USP3: variants seen among roughly 807,000 people sequenced by gnomAD.
The protein encoded by USP3 is ubiquitin carboxyl-terminal hydrolase 3.
Under a neutral mutation model 72.3 loss-of-function variants are expected in USP3, and 20 were observed. The ratio of observed to expected loss-of-function variants is 0.28; its 90% CI spans 0.19 to 0.40. The LOEUF is 0.40. USP3 is among the 10% of genes least tolerant of loss of function. USP3 has a pLI of 1.00. For missense variants in USP3, 479 were observed against 633.9 expected (o/e 0.76, Z 2.62); for synonymous variants, 222 against 225.3 (o/e 0.99, Z 0.13).
At chr15:63,509,741 C>A (rs1025063406) in intron 1 of USP3, among the ~76,000 whole-genome samples, 2 of 152,136 alleles carry the variant, frequency 1.3e-5, no homozygotes, top group Admixed American at 1.3e-4. Flanking sequence ...TTAGAGCAAT[C>A]TCAGCTTATT....
chr15:63,528,164 G>A lies in USP3; in HGVS notation c.92-4483G>A, dbSNP rs2066012717. Reference sequence around the variant, plus strand: ...TAGTGAGTATCAGCCTCTGGACTGAGAAGTGAGACACTGCAGTCAGGGTTG... The same window carrying A: ...TAGTGAGTATCAGCCTCTGGACTGAAAAGTGAGACACTGCAGTCAGGGTTG... On this transcript the variant is annotated intron_variant, in intron 1 of 14. Coordinates refer to ENST00000380324, the MANE Select transcript of USP3 (RefSeq NM_006537.4). This position sits in a 1 kb window ranked among gnomAD's most constrained non-coding sequence, Gnocchi z 4.3. 6.6e-6 allele frequency: 1 copy of A among 152,266 alleles called. No homozygotes were observed. Among genetic ancestry groups the A allele is most frequent in the African/African-American group, 2.4e-5 (1 of 41,458 alleles). The allele number at this position is 152,266 out of a possible 1,614,324, so 9.4% of individuals were successfully genotyped here.
intron 8 of USP3, among the ~76,000 whole-genome samples, chr15:63,566,694 T>C (rs1197014572): frequency 6.6e-6 from 1 of 152,236 alleles, no homozygotes; most frequent in Non-Finnish European, 1.5e-5. Flanking sequence ...TACTATGCTA[T>C]TGATATTTGA....
intron 8 of USP3, 29 bp downstream of exon 8, chr15:63,563,037 CA>C (rs1444398309): frequency 4.8e-6 from 7 of 1,473,410 alleles, no homozygotes; most frequent in Non-Finnish European, 6.6e-6. Context: ...TATTTTTAAA[CA>C]TTAATATTAG....
In USP3 at chr15:63,528,703, G is replaced by T. The variant is rs1195273840; in HGVS notation, c.92-3944G>T. ...GTGTTTATCCTGCAGGTAAACTTTT[G>T]AATCTCATCTATCTATAAATTGAAA... On this transcript the variant is annotated intron_variant, in intron 1 of 14. Coordinates refer to ENST00000380324, the MANE Select transcript of USP3 (RefSeq NM_006537.4). The surrounding 1 kb of genome is among the most constrained non-coding windows in gnomAD (Gnocchi z 4.3). Among the ~76,000 whole-genome samples, 2 of 152,050 alleles carry T rather than the reference G, an allele frequency of 1.3e-5. No homozygotes were observed. Among genetic ancestry groups the T allele is most frequent in the Admixed American group, 1.3e-4 (2 of 15,268 alleles).
In USP3 at chr15:63,588,331, G is replaced by A. The variant is rs1439730847; in HGVS notation, c.1123G>A (p.Glu375Lys). 1 of 1,596,532 alleles carries A rather than the reference G, an allele frequency of 6.3e-7. No individual in the cohort carries two copies. Among genetic ancestry groups the A allele is most frequent in the Admixed American group, 1.8e-5 (1 of 54,056 alleles). Reference sequence around the variant, plus strand: ...TTGTCTTCGCAGTTTTACCGACTTAGAAGAACTTGATGAGACAGAGTTATA... The same window carrying A: ...TTGTCTTCGCAGTTTTACCGACTTAAAAGAACTTGATGAGACAGAGTTATA... Reference protein sequence around the residue: ...RDCLRSFTDLEELDETELYMC... With the variant: ...RDCLRSFTDLKELDETELYMC... Residue 375 changes from glutamate (E) to lysine (K), a missense_variant, in exon 12 of 15, where the codon GAA (glutamate) becomes AAA (lysine). Glu to Lys is a moderately conservative substitution (Grantham distance 56). Transcript: ENST00000380324. The surrounding 1 kb of genome is among the most constrained non-coding windows in gnomAD (Gnocchi z 4.6).
At chr15:63,545,970 CAAAAAAAAA>C (rs60122671) in intron 3 of USP3, among the ~76,000 whole-genome samples, 13 of 68,846 alleles carry the variant, frequency 1.9e-4, no homozygotes, top group African/African-American at 4.2e-4. Context: ...GACCTTGTCT[CAAAAAAAAA>C]AAAAAAAAAA....
At chr15:63,566,504 G>A (rs182276350) in intron 8 of USP3, among the ~76,000 whole-genome samples, 11 of 151,922 alleles carry the variant, frequency 7.2e-5, no homozygotes, top group Non-Finnish European at 1.3e-4. Context: ...TAATAGAGAC[G>A]GGATTTCACT....
chr15:63,556,967 G>A, intron 5 of USP3: 1 of 415,698 alleles, frequency 2.4e-6, no homozygotes, highest in South Asian at 3.6e-5. Context: ...CGTTACTGCT[G>A]TGCTCCTCTT....
intron 2 of USP3, among the ~76,000 whole-genome samples, chr15:63,532,932 T>C (rs901294100): frequency 3.9e-5 from 6 of 152,210 alleles, no homozygotes; most frequent in Admixed American, 2.6e-4. Context: ...AAGAATTAGT[T>C]TGATGACCAA....
At chr15:63,538,981 A>G (rs1025590064) in intron 3 of USP3, among the ~76,000 whole-genome samples, 1 of 152,112 alleles carries the variant, frequency 6.6e-6, no homozygotes, top group African/African-American at 2.4e-5. Context: ...AGAAATGAAA[A>G]TCTTCCCAAG....
rs2066033174 is a variant in USP3, at chr15:63,529,306, G to A, written c.92-3341G>A. 2 of 361,164 alleles carry A rather than the reference G, an allele frequency of 5.5e-6. No homozygotes were observed. Among genetic ancestry groups the A allele is most frequent in the East Asian group, 7.3e-5 (1 of 13,648 alleles). The allele number at this position is 361,164 out of a possible 1,614,324, so 22.4% of individuals were successfully genotyped here. A position where few individuals can be genotyped will look rare whatever the true frequency, so the allele number is the denominator to read the frequency against. ...TCTCCTTATCATTACGTATCTGTCT[G>A]TCTAATTGATGCACAATTCACATAA... On this transcript the variant is annotated intron_variant, in intron 1 of 14. Coordinates refer to ENST00000380324, the MANE Select transcript of USP3 (RefSeq NM_006537.4). The surrounding 1 kb of genome is among the most constrained non-coding windows in gnomAD (Gnocchi z 4.2).
At chr15:63,581,550 ATTTTTTTTTT>A (rs56376454) in intron 11 of USP3, among the ~76,000 whole-genome samples, 1 of 107,504 alleles carries the variant, frequency 9.3e-6, no homozygotes, top group Admixed American at 1.0e-4. Flanking sequence ...CACCCGGCTA[ATTTTTTTTTT>A]TTTTTTTTTT....
rs11311204 is a variant in USP3, at chr15:63,592,333, G to GTTTTTT, written c.*1514_*1519dup. On this transcript the variant is annotated 3_prime_UTR_variant, in exon 15 of 15. Transcript: ENST00000380324. ...AGTGTTCTAAGACAGTCCTGTGGTG[G>GTTTTTT]TTTTTTTTTTTTCTTTTTTTTGGTT... 1 of 143,972 alleles carries GTTTTTT rather than the reference G, an allele frequency of 6.9e-6. No individual in the cohort carries two copies. The allele number at this position is 143,972 out of a possible 1,614,324, so 8.9% of individuals were successfully genotyped here.
chr15:63,570,314 C>T lies in USP3; in HGVS notation c.762-119C>T, dbSNP rs1205671952. On this transcript the variant is annotated intron_variant, in intron 8 of 14. Transcript: ENST00000380324. This position sits in a 1 kb window ranked among gnomAD's most constrained non-coding sequence, Gnocchi z 4.4. ...CTTTCGGGCATGAAGGTGAGGAAGC[C>T]TGGCTGTGCTTGTGAGCACGGGGCT... The T allele has an allele frequency of 7.7e-7, 1 of 1,305,064 alleles. No homozygotes were observed. Among genetic ancestry groups the T allele is most frequent in the East Asian group, 2.4e-5 (1 of 41,106 alleles). 80.8% of individuals were successfully genotyped at this position (1,305,064 alleles called of 1,614,324 possible).
Position 63,522,002 on chromosome 15 carries a change from C to T in USP3, c.92-10645C>T, listed in dbSNP as rs181875725. On this transcript the variant is annotated intron_variant, in intron 1 of 14. Coordinates refer to ENST00000380324, the MANE Select transcript of USP3 (RefSeq NM_006537.4). ...TGTTGCCCAGGCTGGAGTGCAGTGG[C>T]GCTATCTTAGCTCACAGCAGCCCTT... is the stretch of plus-strand genomic sequence containing the variant. 3.3e-5 allele frequency among the ~76,000 whole-genome samples: 5 copies of T among 152,240 alleles called. No homozygotes were observed. The East Asian group carries it at 5.8e-4, about 18-fold the overall frequency.
At chr15:63,558,816 A>G (rs926841656) in intron 6 of USP3, among the ~76,000 whole-genome samples, 4 of 152,210 alleles carry the variant, frequency 2.6e-5, no homozygotes, top group Non-Finnish European at 5.9e-5. Context: ...TGGAAGTTGC[A>G]GTGAGCCAAG....
At chr15:63,560,065 A>AT (rs1174526670) in intron 7 of USP3, 95 bp downstream of exon 7, 3 of 966,522 alleles carry the variant, frequency 3.1e-6, no homozygotes, top group Non-Finnish European at 4.5e-6. Context: ...TAACAGGCAC[A>AT]TGCCTTAAAA....
At chr15:63,535,432 A>G (rs1036210074) in intron 2 of USP3, among the ~76,000 whole-genome samples, 3 of 152,242 alleles carry the variant, frequency 2.0e-5, no homozygotes, top group African/African-American at 4.8e-5. Context: ...CTAACAACCC[A>G]TGAGACACAA....
intron 1 of USP3, among the ~76,000 whole-genome samples, chr15:63,506,340 A>G (rs1267739874): frequency 1.4e-5 from 2 of 147,698 alleles, no homozygotes; most frequent in African/African-American, 5.1e-5. Context: ...TATAATTGTA[A>G]CTTAATTTTT....
Sources: gnomAD v4.1 joint callset for allele counts (sites outside exome capture counted in the v4.1 genomes callset) on GRCh38, gnomAD v4.1.1 for gene constraint, Gnocchi (gnomAD v3.1) non-coding constraint, MANE v1.5 for transcripts, NCBI Gene and HGNC (gene_info 2026-07-23, HGNC 2026-07-21) for gene names.